CLVS1: variants seen among roughly 807,000 people sequenced by gnomAD.
The protein encoded by CLVS1 is clavesin 1.
Under a neutral mutation model 33.1 loss-of-function variants are expected in CLVS1, and 10 were observed. The ratio of observed to expected loss-of-function variants is 0.30; its 90% CI spans 0.19 to 0.51. The LOEUF (loss-of-function observed/expected upper bound fraction) is 0.51. Ranked by LOEUF, CLVS1 falls within the 20% of genes least tolerant of loss-of-function variation. The probability of loss-of-function intolerance (pLI) is 0.97; values close to 1 mark genes in which losing one functional copy is unlikely to be tolerated. For missense variants in CLVS1, 343 were observed against 433.4 expected (o/e 0.79, Z 1.85); for synonymous variants, 163 against 166.1 (o/e 0.98, Z 0.14).
chr8:61,132,499 TCTGTCAGATAC>T (rs2129291440), intron 2 of CLVS1, among the ~76,000 whole-genome samples: 3 of 152,310 alleles, frequency 2.0e-5, no homozygotes, highest in African/African-American at 7.2e-5. Flanking sequence ...GGCTTCAGGG[TCTGTCAGATAC>T]CTGCCCCCAA....
At chr8:61,108,416 G>A (rs1285314662) in intron 1 of CLVS1, among the ~76,000 whole-genome samples, 2 of 152,000 alleles carry the variant, frequency 1.3e-5, no homozygotes, top group African/African-American at 4.8e-5. Flanking sequence ...TGCAATTCTG[G>A]TATCCAAAAG....
chr8:61,243,271 A>C (rs1410233262), intron 2 of CLVS1, among the ~76,000 whole-genome samples: 3 of 152,240 alleles, frequency 2.0e-5, no homozygotes, highest in Non-Finnish European at 4.4e-5. Context: ...TATATACAGT[A>C]AGATCGTTAC....
chr8:61,473,522 A>AATAG (rs1443636821), intron 5 of CLVS1, among the ~76,000 whole-genome samples: 14 of 152,136 alleles, frequency 9.2e-5, no homozygotes, highest in African/African-American at 3.1e-4. Context: ...GAGTGCAATG[A>AATAG]ATAGATAAGT....
chr8:61,318,331 G>A (rs755331142), intron 2 of CLVS1, among the ~76,000 whole-genome samples: 8 of 152,006 alleles, frequency 5.3e-5, no homozygotes, highest in Non-Finnish European at 8.8e-5. Context: ...TTGATATGCT[G>A]TTTCACTCAT....
intron 2 of CLVS1, among the ~76,000 whole-genome samples, chr8:61,360,646 A>G (rs1387463729): frequency 6.6e-6 from 1 of 152,182 alleles, no homozygotes; most frequent in Non-Finnish European, 1.5e-5. Context: ...ATTAGTCTGA[A>G]GTTTTTGTTT....
rs78054770 is a variant in CLVS1, at chr8:61,130,498, G to A, written c.-242-1272G>A. 2.3e-3 allele frequency among the ~76,000 whole-genome samples: 352 copies of A among 152,210 alleles called. 12 individuals carry two copies. The East Asian group carries it at 0.064, about 27-fold the overall frequency. ...CACCTATCTGTCATCACTCAAAAGA[G>A]CTTTTAAGCCAGACAGATTAGAAGC... On this transcript the variant is annotated intron_variant, in intron 1 of 2. Transcript: ENST00000522621.
chr8:61,456,643 G>A (rs965814114), intron 4 of CLVS1, among the ~76,000 whole-genome samples: 7 of 152,066 alleles, frequency 4.6e-5, no homozygotes, highest in African/African-American at 9.7e-5. Flanking sequence ...TAGGCTGGGC[G>A]CGGTGGCTCA....
At chr8:61,216,480 C>T (rs1454752117) in intron 2 of CLVS1, among the ~76,000 whole-genome samples, 2 of 152,188 alleles carry the variant, frequency 1.3e-5, no homozygotes, top group Admixed American at 6.5e-5. Context: ...GATGCTGTTT[C>T]AGTGGCTAAG....
At chr8:61,001,432 A>C in the CLVS1 span, among the ~76,000 whole-genome samples, 2 of 152,380 alleles carry the variant, frequency 1.3e-5, no homozygotes, top group South Asian at 4.1e-4. Context: ...GTTACAGCAC[A>C]TCTCAATGTG....
At chr8:61,296,370 C>T (rs540153892) in intron 1 of CLVS1, among the ~76,000 whole-genome samples, 2 of 152,314 alleles carry the variant, frequency 1.3e-5, no homozygotes, top group Admixed American at 1.3e-4. Context: ...AATGCAACCT[C>T]AACTTTCCTT....
chr8:61,240,894 G>GTTTTTTTTTTTTT (rs549955338), intron 2 of CLVS1, among the ~76,000 whole-genome samples: 13 of 130,608 alleles, frequency 1.0e-4, no homozygotes, highest in African/African-American at 2.2e-4. Context: ...TTTGCTGTAG[G>GTTTTTTTTTTTTT]TTTTTTTTTT....
chr8:61,287,809 G>A, upstream of CLVS1: 1 of 329,874 alleles, frequency 3.0e-6, no homozygotes, highest in Non-Finnish European at 5.9e-6. Context: ...AATGTTGTGT[G>A]GGGAGTGATG....
intron 1 of CLVS1, among the ~76,000 whole-genome samples, chr8:61,125,716 C>T (rs1416551981): frequency 6.6e-6 from 1 of 152,176 alleles, no homozygotes; most frequent in Non-Finnish European, 1.5e-5. Context: ...AGGGTCAGAG[C>T]AAGTTCCCAC....
chr8:61,472,424 A>T (rs73259356), intron 5 of CLVS1, among the ~76,000 whole-genome samples: 1,644 of 152,292 alleles, frequency 0.011, 17 homozygotes, highest in African/African-American at 0.038. Context: ...CAACAAAAGA[A>T]GGAGAGAAGA....
At chr8:61,114,544 ACAAAT>A (rs1323439062) in intron 1 of CLVS1, among the ~76,000 whole-genome samples, 1 of 152,228 alleles carries the variant, frequency 6.6e-6, no homozygotes, top group African/African-American at 2.4e-5. Context: ...TATTATACTG[ACAAAT>A]TAATGTTTAT....
chr8:61,208,185 C>CA, intron 2 of CLVS1, among the ~76,000 whole-genome samples: 1 of 152,302 alleles, frequency 6.6e-6, no homozygotes, highest in East Asian at 1.9e-4. Flanking sequence ...CTCTGTGATC[C>CA]ATCACCAGAA....
At chr8:61,472,144 A>G (rs1817756375) in intron 5 of CLVS1, among the ~76,000 whole-genome samples, 1 of 152,198 alleles carries the variant, frequency 6.6e-6, no homozygotes, top group African/African-American at 2.4e-5. Context: ...GCTAGTCTCT[A>G]TCACTGAATT....
the CLVS1 span, among the ~76,000 whole-genome samples, chr8:60,967,993 C>T: frequency 2.0e-5 from 3 of 152,146 alleles, no homozygotes; most frequent in African/African-American, 7.2e-5. Flanking sequence ...GGCTGGAGTG[C>T]AGTGGTGTGA....
chr8:61,264,207 T>C (rs1486678093), intron 2 of CLVS1, among the ~76,000 whole-genome samples: 1 of 152,030 alleles, frequency 6.6e-6, no homozygotes, highest in Non-Finnish European at 1.5e-5. Context: ...TCTCTCTGGG[T>C]GATCTCATTC....
Sources: gnomAD v4.1 joint callset for allele counts (sites outside exome capture counted in the v4.1 genomes callset) on GRCh38, gnomAD v4.1.1 for gene constraint, MANE v1.5 for transcripts, NCBI Gene and HGNC (gene_info 2026-07-23, HGNC 2026-07-21) for gene names.